Variants in BDP1 observed in about 807,000 individuals in gnomAD.
BDP1 encodes BDP1 general transcription factor IIIB subunit.
In BDP1, 169 loss-of-function variants were observed where a neutral mutation model predicts 266.6. That is an observed-to-expected ratio of 0.63 (90% confidence interval 0.56 to 0.72). The LOEUF (loss-of-function observed/expected upper bound fraction) is 0.72, where lower values mean the gene tolerates loss of function less well. BDP1 is among the 30% of genes least tolerant of loss of function. BDP1 has a pLI of 0.00. For missense variants in BDP1, 3,015 were observed against 3,053.8 expected (o/e 0.99, Z 0.30); for synonymous variants, 1,090 against 1,022.4 (o/e 1.07, Z -1.26).
rs1157245950 is a variant in BDP1, at chr5:71,466,134, A to G, written c.698A>G (p.Glu233Gly). Residue 233 changes from glutamate to glycine, a missense_variant, in exon 5 of 39, where the codon GAA becomes GGA. Glu to Gly is a moderately conservative substitution (Grantham distance 98). Around this residue, in one of 3 missense-constraint regions of BDP1, gnomAD observed 2,383 missense variants for 2,404.9 expected, o/e 0.99. Coordinates refer to ENST00000358731, the MANE Select transcript of BDP1 (RefSeq NM_018429.3). ...AGTACTCCTAATGCTGAAGATAATG[A>G]AATGGAAGAAGAGACAGATGATGGG... ...GKSTPNAEDNEMEEETDDGPL... is the reference protein window; with the variant it reads ...GKSTPNAEDNGMEEETDDGPL... 1 of 1,613,816 alleles carries G rather than the reference A, an allele frequency of 6.2e-7. No homozygotes were observed. Among genetic ancestry groups the G allele is most frequent in the Non-Finnish European group, 8.5e-7 (1 of 1,179,760 alleles).
At chr5:71,561,476 G>A (rs1316756802) in intron 37 of BDP1, among the ~76,000 whole-genome samples, 1 of 152,238 alleles carries the variant, frequency 6.6e-6, no homozygotes, top group Non-Finnish European at 1.5e-5. Flanking sequence ...GTTCTAGAAC[G>A]GAAGTCAGCA....
intron 11 of BDP1, 35 bp downstream of exon 11, chr5:71,491,166 C>G: frequency 6.3e-7 from 1 of 1,584,628 alleles, no homozygotes; most frequent in South Asian, 1.1e-5. Flanking sequence ...TTATCCACAT[C>G]TGTTGATTAC....
chr5:71,458,573 C>G lies in BDP1; in HGVS notation c.213-6C>G, dbSNP rs374808394. ...TGCCCTCTTTTTTCTTTTTTAATTT[C>G]AACAGTACTGAAAAGACTGGTGGTG... On this transcript the variant is annotated splice_polypyrimidine_tract_variant and splice_region_variant and intron_variant, in intron 1 of 38. Transcript: ENST00000358731. 23 of 1,578,286 alleles carry G rather than the reference C, an allele frequency of 1.5e-5. No homozygotes were observed. The highest frequency in any genetic ancestry group is 2.0e-5 in the Non-Finnish European group (23 of 1,164,792).
chr5:71,468,716 C>T (rs1268706456), intron 6 of BDP1, among the ~76,000 whole-genome samples: 2 of 150,218 alleles, frequency 1.3e-5, no homozygotes, highest in Non-Finnish European at 2.9e-5. Context: ...AAGCGATTCT[C>T]CTGCCTCAGC....
At position 71,479,305 on chromosome 5, in the gene BDP1, T is replaced by C. The variant is rs909621326; in HGVS notation, c.1015-4537T>C. ...ATCCGCCTGCCTCAGCCTCCCAAAG[T>C]GCTGGGATTACAGGTGTGAGCCACT... On this transcript the variant is annotated intron_variant, in intron 7 of 38. Transcript: ENST00000358731. 7.3e-4 allele frequency among the ~76,000 whole-genome samples: 111 copies of C among 151,778 alleles called. 1 individual carries two copies. Among genetic ancestry groups the C allele is most frequent in the Non-Finnish European group, 1.4e-3 (97 of 67,920 alleles).
At chr5:71,528,630 C>T (rs1464509543) in intron 25 of BDP1, among the ~76,000 whole-genome samples, 1 of 152,134 alleles carries the variant, frequency 6.6e-6, no homozygotes, top group Non-Finnish European at 1.5e-5. Context: ...TCTGTAAAGT[C>T]ACATTTATGA....
At chr5:71,553,973 C>T (rs539182598) in intron 35 of BDP1, among the ~76,000 whole-genome samples, 9 of 152,310 alleles carry the variant, frequency 5.9e-5, no homozygotes, top group African/African-American at 2.2e-4. Flanking sequence ...CCAGACCATG[C>T]GAATTCAGTC....
chr5:71,550,843 C>T (rs552393804), intron 34 of BDP1, among the ~76,000 whole-genome samples: 6 of 152,162 alleles, frequency 3.9e-5, no homozygotes, highest in African/African-American at 1.4e-4. Flanking sequence ...GTAGCTGGGA[C>T]TATAGGTGCG....
In BDP1 at chr5:71,455,774, C is replaced by A; in HGVS notation, c.-104C>A. 2 of 973,382 alleles carry A rather than the reference C, an allele frequency of 2.1e-6. No individual in the cohort carries two copies. The highest frequency in any genetic ancestry group is 3.0e-6 in the Non-Finnish European group (2 of 660,762). 60.3% of individuals were successfully genotyped at this position (973,382 alleles called of 1,614,324 possible). A position where few individuals can be genotyped will look rare whatever the true frequency, so the allele number is the denominator to read the frequency against. ...GCTGCCCCCTGAGCTGGTGGTGTGG[C>A]TTTGTGGGGAGGGCGTAGTTCCTAA... On this transcript the variant is annotated 5_prime_UTR_variant, in exon 1 of 39. Coordinates refer to ENST00000358731, the MANE Select transcript of BDP1 (RefSeq NM_018429.3).
At chr5:71,574,411 G>T in the BDP1 span, among the ~76,000 whole-genome samples, 1 of 152,284 alleles carries the variant, frequency 6.6e-6, no homozygotes, top group African/African-American at 2.4e-5. Context: ...AACAATGAGG[G>T]CATTCCCAGT....
chr5:71,474,455 G>T (rs1261564037), intron 7 of BDP1, among the ~76,000 whole-genome samples: 2 of 151,650 alleles, frequency 1.3e-5, no homozygotes, highest in East Asian at 3.9e-4. Flanking sequence ...CCAAGAAGTT[G>T]GGACTATAGG....
the BDP1 span, among the ~76,000 whole-genome samples, chr5:71,577,180 G>C: frequency 6.6e-6 from 1 of 152,132 alleles, no homozygotes; most frequent in Non-Finnish European, 1.5e-5. Context: ...CTGTTAATCT[G>C]TCTGAGCCAT....
At position 71,539,083 on chromosome 5, in the gene BDP1, C is replaced by CT; in HGVS notation, c.5929+6dup. The CT allele has an allele frequency of 6.3e-7, 1 of 1,599,154 alleles. No homozygotes were observed. The highest frequency in any genetic ancestry group is 8.5e-7 in the Non-Finnish European group (1 of 1,170,684). Reference sequence around the variant, plus strand: ...AACATATCCAAGATGAACCAGGTAACTGTTATCAAGGAAACTGCTAAGACT... The same window carrying CT: ...AACATATCCAAGATGAACCAGGTAACTTGTTATCAAGGAAACTGCTAAGACT... On this transcript the variant is annotated splice_donor_region_variant and intron_variant, in intron 27 of 38. Coordinates refer to ENST00000358731, the MANE Select transcript of BDP1 (RefSeq NM_018429.3).
rs1195259909 is a variant in BDP1 at position 71,513,449 on chromosome 5, T to C, written c.4470+42T>C. 3.1e-6 allele frequency: 4 copies of C among 1,281,386 alleles called. No individual in the cohort carries two copies. The East Asian group carries it at 7.1e-5, about 23-fold the overall frequency. 79.4% of individuals were successfully genotyped at this position (1,281,386 alleles called of 1,614,324 possible). ...TGGAAGTTCTGTGTGGGTGTTTTTT[T>C]TTTTTTTTAAGTTATTAGGACTACT... On this transcript the variant is annotated intron_variant, in intron 19 of 38. Transcript: ENST00000358731.
chr5:71,562,387 G>T lies in BDP1; in HGVS notation c.7610G>T (p.Gly2537Val). The T allele has an allele frequency of 6.2e-7, 1 of 1,613,782 alleles. No individual in the cohort carries two copies. Among genetic ancestry groups the T allele is most frequent in the South Asian group, 1.1e-5 (1 of 91,062 alleles). The change falls in exon 38 of 39, where the codon GGA (glycine) becomes GTA (valine). Residue 2537 changes from glycine (G) to valine (V), a missense_variant. Physicochemically the swap from Gly to Val is moderately radical, Grantham distance 109. Transcript: ENST00000358731. ...SKKRLKPLIP[G>V]LRKKLKRSNP... The stretch of plus-strand genomic sequence containing the variant: ...AAACGCCTAAAACCTCTTATACCTG[G>T]ATTAAGAAAGAAATTGAAAAGATCT...
At position 71,455,929 on chromosome 5, in the gene BDP1, G is replaced by A; in HGVS notation, c.52G>A (p.Gly18Ser). Residue 18 changes from glycine (G) to serine (S), a missense_variant, in exon 1 of 39, where the codon GGC becomes AGC. Coordinates refer to ENST00000358731, the MANE Select transcript of BDP1 (RefSeq NM_018429.3). ...GAAGCCGAATGTCAGGCCTGGTGTA[G>A]GCGCCAGGGGCTCCACAGCTTCCAA... ...SVKPNVRPGV[G>S]ARGSTASNPQ... 6.2e-7 allele frequency: 1 copy of A among 1,611,048 alleles called. No homozygotes were observed. The highest frequency in any genetic ancestry group is 8.5e-7 in the Non-Finnish European group (1 of 1,178,952).
chr5:71,501,579 T>C lies in BDP1; in HGVS notation c.1974T>C (p.Asp658=), dbSNP rs1338327596. Residue 658 remains aspartate, a synonymous_variant, in exon 14 of 39, where the codon GAT becomes GAC. Coordinates refer to ENST00000358731, the MANE Select transcript of BDP1 (RefSeq NM_018429.3). ...TSVEKNHVEK[D]KMNTLDILRM... is the part of the protein sequence containing the mutation. ...ATTCACAGAACCACGTGGAAAAAGA[T>C]AAAATGAATACATTGGACATTTTGA... 1.3e-6 allele frequency: 2 copies of C among 1,591,410 alleles called. No homozygotes were observed. Among genetic ancestry groups the C allele is most frequent in the Non-Finnish European group, 1.7e-6 (2 of 1,165,362 alleles).
intron 25 of BDP1, among the ~76,000 whole-genome samples, chr5:71,527,669 T>C (rs1051255064): frequency 6.6e-6 from 1 of 152,330 alleles, no homozygotes; most frequent in Non-Finnish European, 1.5e-5. Context: ...TTATCATCAA[T>C]GGACACTTGG....
chr5:71,539,976 A>C (rs1766863413), intron 28 of BDP1, among the ~76,000 whole-genome samples: 1 of 152,128 alleles, frequency 6.6e-6, no homozygotes, highest in Non-Finnish European at 1.5e-5. Flanking sequence ...AACTGAGCTC[A>C]TTGATCACTG....
Sources: allele counts gnomAD v4.1 joint callset (sites outside exome capture counted in the v4.1 genomes callset), GRCh38; gene constraint gnomAD v4.1.1; regional missense constraint gnomAD v4.1.1; transcripts MANE v1.5; gene names NCBI Gene and HGNC (gene_info 2026-07-23, HGNC 2026-07-21).